The following ABTB2 variants were observed in gnomAD, a reference collection of about 807,000 sequenced individuals.
ABTB2 encodes the protein ankyrin repeat and BTB/POZ domain-containing protein 2.
ABTB2 carries 56 observed loss-of-function variants against 104.1 expected under a neutral mutation model. That is an observed-to-expected ratio of 0.54 (90% CI 0.43 to 0.67). The LOEUF is 0.67. ABTB2 is among the 30% of genes least tolerant of loss of function. The probability of loss-of-function intolerance (pLI) is 0.00; values close to 1 mark genes in which losing one functional copy is unlikely to be tolerated. For missense variants in ABTB2, 1,279 were observed against 1,407.7 expected (o/e 0.91, Z 1.46); for synonymous variants, 606 against 608.2 (o/e 1.00, Z 0.05).
intron 1 of ABTB2, among the ~76,000 whole-genome samples, chr11:34,283,936 A>G (rs1854475323): frequency 6.6e-6 from 1 of 152,244 alleles, no homozygotes; most frequent in South Asian, 2.1e-4. Flanking sequence ...TAAGTTGCTG[A>G]GTTCTCCAGC....
chr11:34,211,322 G>T (rs1229219663), intron 1 of ABTB2, among the ~76,000 whole-genome samples: 7 of 151,946 alleles, frequency 4.6e-5, no homozygotes, highest in African/African-American at 1.7e-4. Flanking sequence ...TTTTCCAGGC[G>T]GGTCTAGAAC....
intron 1 of ABTB2, among the ~76,000 whole-genome samples, chr11:34,259,023 T>A (rs1854157319): frequency 6.6e-6 from 1 of 152,216 alleles, no homozygotes; most frequent in East Asian, 1.9e-4. Flanking sequence ...TTATGCTATG[T>A]GTGAGGATTG....
chr11:34,299,704 C>T (rs967638032), intron 1 of ABTB2, among the ~76,000 whole-genome samples: 4 of 152,338 alleles, frequency 2.6e-5, no homozygotes, highest in Non-Finnish European at 4.4e-5. Flanking sequence ...CAACTACTCT[C>T]GGGGCCCTCA....
At chr11:34,293,224 G>A (rs934871450) in intron 1 of ABTB2, among the ~76,000 whole-genome samples, 5 of 152,066 alleles carry the variant, frequency 3.3e-5, no homozygotes, top group African/African-American at 9.7e-5. Flanking sequence ...CTGATGTCGA[G>A]GGGGGGCCCA....
chr11:34,273,057 C>T lies in ABTB2; in HGVS notation c.884-68367G>A, dbSNP rs947770788. ...ATATAAAGTACTTAAACCGTCCTGACATTTAGCAAACATTCCATGATTTTT... is the reference window on the plus strand; with the variant it reads ...ATATAAAGTACTTAAACCGTCCTGATATTTAGCAAACATTCCATGATTTTT... On this transcript the variant is annotated intron_variant, in intron 1 of 16. Transcript: ENST00000435224. Among the ~76,000 whole-genome samples, 3 of 152,086 alleles carry T rather than the reference C, an allele frequency of 2.0e-5. 1 individual carries two copies. Among genetic ancestry groups the T allele is most frequent in the African/African-American group, 4.8e-5 (2 of 41,392 alleles).
intron 1 of ABTB2, among the ~76,000 whole-genome samples, chr11:34,320,205 G>A (rs777348948): frequency 1.2e-4 from 18 of 152,212 alleles, no homozygotes; most frequent in Non-Finnish European, 2.6e-4. Flanking sequence ...AGCTGCATAT[G>A]ATTTATGTCT....
chr11:34,277,450 TTTTCA>T (rs759158213), intron 1 of ABTB2, among the ~76,000 whole-genome samples: 16 of 151,846 alleles, frequency 1.1e-4, no homozygotes, highest in South Asian at 8.3e-4. Flanking sequence ...TATCAAATAC[TTTTCA>T]TTTCATTTCC....
intron 1 of ABTB2, among the ~76,000 whole-genome samples, chr11:34,275,483 C>CA (rs1854372369): frequency 6.7e-6 from 1 of 148,864 alleles, no homozygotes; most frequent in Admixed American, 6.7e-5. Context: ...ACAGGGCTCT[C>CA]TTTTTTTTTT....
At chr11:34,255,375 T>C (rs374764930) in intron 1 of ABTB2, among the ~76,000 whole-genome samples, 6 of 152,282 alleles carry the variant, frequency 3.9e-5, no homozygotes, top group African/African-American at 1.2e-4. Flanking sequence ...AGACAGCCCA[T>C]GGCAGGGATC....
chr11:34,236,313 T>A (rs1346186154), intron 1 of ABTB2, among the ~76,000 whole-genome samples: 1 of 152,224 alleles, frequency 6.6e-6, no homozygotes. Flanking sequence ...CTTCTTCCTT[T>A]GCTCTTGTTG....
At position 34,356,881 on chromosome 11, in the gene ABTB2, T is replaced by C. The variant is rs756333788; in HGVS notation, c.703A>G (p.Met235Val). 1.6e-4 allele frequency: 251 copies of C among 1,605,116 alleles called. No homozygotes were observed. Among genetic ancestry groups the C allele is most frequent in the Non-Finnish European group, 2.0e-4 (234 of 1,175,792 alleles). Reference sequence around the variant, plus strand: ...CGGATCTCCTCCACCAGGTTCTCCATGCAGGCGGTGAGGGAGATGGCTGCG... The same window carrying C: ...CGGATCTCCTCCACCAGGTTCTCCACGCAGGCGGTGAGGGAGATGGCTGCG... ...EYAAISLTAC[M>V]ENLVEEIRAR... The change falls in exon 1 of 17, where the codon ATG becomes GTG. Residue 235 changes from methionine to valine, a missense_variant. Coordinates refer to ENST00000435224, the MANE Select transcript of ABTB2 (RefSeq NM_145804.3). This position sits in a 1 kb window ranked among gnomAD's most constrained non-coding sequence, Gnocchi z 4.6.
At position 34,162,789 on chromosome 11, in the gene ABTB2, G is replaced by A. The variant is rs1386927706; in HGVS notation, c.2005C>T (p.Leu669Phe). Residue 669 changes from leucine to phenylalanine, a missense_variant, in exon 10 of 17, where the codon CTC (leucine) becomes TTC (phenylalanine). Transcript: ENST00000435224. Reference protein sequence around the residue: ...AHGHRNVLRKLLTQPQQAKAD... With the variant: ...AHGHRNVLRKFLTQPQQAKAD... ...TTAGCCTGCTGTGGCTGCGTCAGGA[G>A]CTTCCTCAGGACGTTCCTGCAGGCC... 6.2e-7 allele frequency: 1 copy of A among 1,604,656 alleles called. No individual in the cohort carries two copies. The highest frequency in any genetic ancestry group is 1.1e-5 in the South Asian group (1 of 90,982).
rs543741122 is a variant in ABTB2, at chr11:34,185,688, G to A, written c.1244+11637C>T. Among the ~76,000 whole-genome samples, 5 of 152,262 alleles carry A rather than the reference G, an allele frequency of 3.3e-5. No individual in the cohort carries two copies. The East Asian group carries it at 5.8e-4, about 18-fold the overall frequency. On this transcript the variant is annotated intron_variant, in intron 3 of 16. Coordinates refer to ENST00000435224, the MANE Select transcript of ABTB2 (RefSeq NM_145804.3). ...GTCACTGGAGGCTGGAGTGGGGTTG[G>A]GGGGAGAGGTGGGTCAACAGGTACA... is the stretch of plus-strand genomic sequence containing the variant.
At chr11:34,317,076 A>G (rs143907629) in intron 1 of ABTB2, among the ~76,000 whole-genome samples, 1 of 152,294 alleles carries the variant, frequency 6.6e-6, no homozygotes, top group East Asian at 1.9e-4. Flanking sequence ...TACAAAACCA[A>G]CAGAACTAGA....
At chr11:34,306,070 T>C (rs745379776) in intron 1 of ABTB2, among the ~76,000 whole-genome samples, 9 of 152,086 alleles carry the variant, frequency 5.9e-5, no homozygotes, top group East Asian at 1.9e-4. Flanking sequence ...GTCTATTCTC[T>C]AAGAACAGGA....
chr11:34,350,161 A>G (rs912597550), intron 1 of ABTB2, among the ~76,000 whole-genome samples: 1 of 152,152 alleles, frequency 6.6e-6, no homozygotes, highest in African/African-American at 2.4e-5. Context: ...GCTTTGCTAC[A>G]TCGCTGACTC....
intron 14 of ABTB2, among the ~76,000 whole-genome samples, chr11:34,156,672 G>GC (rs1852632094): frequency 6.6e-6 from 1 of 151,958 alleles, no homozygotes; most frequent in African/African-American, 2.4e-5. Flanking sequence ...TATGCAGCAT[G>GC]CACCACCACG....
intron 4 of ABTB2, among the ~76,000 whole-genome samples, chr11:34,171,724 G>A (rs1852876662): frequency 6.6e-6 from 1 of 151,932 alleles, no homozygotes; most frequent in Admixed American, 6.6e-5. Context: ...CTCAGCACTT[G>A]GCTGTATACT....
chr11:34,160,668 CGT>C lies in ABTB2; in HGVS notation c.2397+233_2397+234del, dbSNP rs756259233. 5.9e-4 allele frequency among the ~76,000 whole-genome samples: 46 copies of C among 77,702 alleles called. No homozygotes were observed. In the East Asian group the frequency reaches 0.01, roughly 17 times the overall value. 51.0% of individuals were successfully genotyped at this position (77,702 alleles called of 152,430 possible). A position where few individuals can be genotyped will look rare whatever the true frequency, so the allele number is the denominator to read the frequency against. On this transcript the variant is annotated intron_variant, in intron 11 of 16. Transcript: ENST00000435224. ...CTGGGGGCGAGCGTGCACGCGCGCG[CGT>C]GTGTGTGTGTATGTGTGTGTTGAGT... is the stretch of plus-strand genomic sequence containing the variant.
Sources: gnomAD v4.1 joint callset for allele counts (sites outside exome capture counted in the v4.1 genomes callset) on GRCh38, gnomAD v4.1.1 for gene constraint, Gnocchi (gnomAD v3.1) non-coding constraint, MANE v1.5 for transcripts, NCBI Gene and HGNC (gene_info 2026-07-23, HGNC 2026-07-21) for gene names.